SLIT2: variants seen among roughly 807,000 people sequenced by gnomAD.
The protein encoded by SLIT2 is slit guidance ligand 2.
In SLIT2, 41 loss-of-function variants were observed where a neutral mutation model predicts 185.7. That is an observed-to-expected ratio of 0.22 (90% CI 0.17 to 0.29). SLIT2 has a LOEUF of 0.29. Among genes scored for constraint, SLIT2 ranks in the 10% least tolerant of loss-of-function variants. The probability of loss-of-function intolerance (pLI) is 1.00; values close to 1 mark genes in which losing one functional copy is unlikely to be tolerated. For synonymous variants in SLIT2, 693 were observed against 680.2 expected (o/e 1.02, Z -0.29); for missense variants, 1,571 against 1,909.0 (o/e 0.82, Z 3.30).
Position 20,596,389 on chromosome 4 carries a change from A to G in SLIT2, c.3321-26A>G, listed in dbSNP as rs558332326. 311 of 1,606,514 alleles carry G rather than the reference A, an allele frequency of 1.9e-4. 1 individual carries two copies. In the South Asian group the frequency reaches 3.3e-3, roughly 17 times the overall value. On this transcript the variant is annotated intron_variant, in intron 31 of 36. Coordinates refer to ENST00000504154, the MANE Select transcript of SLIT2 (RefSeq NM_004787.4). ...GCAATTAAGTAAAATCGTATTAACTAATTTTTTTTTCTCCTTATTCTTCAG... is the reference window on the plus strand; with the variant it reads ...GCAATTAAGTAAAATCGTATTAACTGATTTTTTTTTCTCCTTATTCTTCAG...
Position 20,528,007 on chromosome 4 carries a change from AC to A in SLIT2, c.1463-940del, listed in dbSNP as rs775781336. Among the ~76,000 whole-genome samples, 11 of 151,980 alleles carry A rather than the reference AC, an allele frequency of 7.2e-5. No homozygotes were observed. Among genetic ancestry groups the A allele is most frequent in the African/African-American group, 9.7e-5 (4 of 41,362 alleles). ...AGCTTCTCTGTTGTCCTTGTAGCTC[AC>A]CTTCAACTTCTTCCTGGATGTTGTT... On this transcript the variant is annotated intron_variant, in intron 15 of 36. Transcript: ENST00000504154. This position sits in a 1 kb window ranked among gnomAD's most constrained non-coding sequence, Gnocchi z 4.2.
At chr4:20,578,110 T>C (rs180978108) in intron 29 of SLIT2, among the ~76,000 whole-genome samples, 1 of 152,324 alleles carries the variant, frequency 6.6e-6, no homozygotes, top group East Asian at 1.9e-4. Context: ...CATTGTTCTT[T>C]ATGTGATCTG....
intron 4 of SLIT2, among the ~76,000 whole-genome samples, chr4:20,421,575 T>A (rs1728177483): frequency 6.6e-6 from 1 of 152,212 alleles, no homozygotes; most frequent in African/African-American, 2.4e-5. Context: ...TAAAATGCAT[T>A]GTAAATCATT....
At chr4:20,324,760 C>A (rs145414956) in intron 4 of SLIT2, among the ~76,000 whole-genome samples, 205 of 152,176 alleles carry the variant, frequency 1.3e-3, no homozygotes, top group African/African-American at 4.7e-3. Context: ...CAGTCTTATA[C>A]AAAGGACACA....
intron 4 of SLIT2, among the ~76,000 whole-genome samples, chr4:20,342,575 CTAAT>C (rs748262375): frequency 3.3e-5 from 5 of 151,820 alleles, no homozygotes; most frequent in East Asian, 3.9e-4. Context: ...TAGCATAAAT[CTAAT>C]TAATCTATGA....
chr4:20,365,426 G>C (rs114296071), intron 4 of SLIT2, among the ~76,000 whole-genome samples: 2,669 of 152,200 alleles, frequency 0.018, 50 homozygotes, highest in East Asian at 0.08. Context: ...TGAAGCCTCA[G>C]TTGAAGGCTG....
At chr4:20,423,101 T>C (rs368907872) in intron 4 of SLIT2, among the ~76,000 whole-genome samples, 54 of 152,226 alleles carry the variant, frequency 3.5e-4, no homozygotes, top group African/African-American at 1.2e-3. Flanking sequence ...TCATGCCTTC[T>C]CCCAGAGGAG....
In SLIT2 at chr4:20,442,546, G is replaced by A. The variant is rs867606630; in HGVS notation, c.396-25206G>A. On this transcript the variant is annotated intron_variant, in intron 4 of 36. Coordinates refer to ENST00000504154, the MANE Select transcript of SLIT2 (RefSeq NM_004787.4). ...CTCAAAAAAAAAAAAAAAAAAAAGGGGGGGGAGGGACCGATTTTATGAAGG... is the reference window on the plus strand; with the variant it reads ...CTCAAAAAAAAAAAAAAAAAAAAGGAGGGGGAGGGACCGATTTTATGAAGG... Among the ~76,000 whole-genome samples, 526 of 148,148 alleles carry A rather than the reference G, an allele frequency of 3.6e-3. 3 individuals carry two copies. Among genetic ancestry groups the A allele is most frequent in the Non-Finnish European group, 4.5e-3 (305 of 67,768 alleles).
chr4:20,495,725 T>G (rs1324083318), intron 9 of SLIT2, among the ~76,000 whole-genome samples: 2 of 152,296 alleles, frequency 1.3e-5, no homozygotes, highest in East Asian at 3.9e-4. Flanking sequence ...TTGTGAATTT[T>G]ACTTCCCTGA....
At chr4:20,364,908 A>G (rs1035552823) in intron 4 of SLIT2, among the ~76,000 whole-genome samples, 1 of 152,112 alleles carries the variant, frequency 6.6e-6, no homozygotes, top group East Asian at 1.9e-4. Flanking sequence ...AATTGACTCA[A>G]TGGACTCATG....
intron 4 of SLIT2, among the ~76,000 whole-genome samples, chr4:20,309,545 AAAG>A (rs1305167399): frequency 2.0e-5 from 3 of 152,064 alleles, no homozygotes; most frequent in Admixed American, 2.0e-4. Context: ...TAAAAATAAA[AAAG>A]AAGCAACAAA....
chr4:20,489,626 A>C (rs574890428), intron 8 of SLIT2, among the ~76,000 whole-genome samples: 114 of 152,234 alleles, frequency 7.5e-4, no homozygotes, highest in Non-Finnish European at 2.4e-4. Context: ...CTTTCTAAAA[A>C]TACAAAAACT....
intron 4 of SLIT2, among the ~76,000 whole-genome samples, chr4:20,463,399 C>A (rs1398649457): frequency 7.0e-6 from 1 of 142,098 alleles, no homozygotes; most frequent in African/African-American, 2.6e-5. Flanking sequence ...TTCTCAGATA[C>A]CACTCATAAT....
chr4:20,413,599 T>G (rs1727421056), intron 4 of SLIT2, among the ~76,000 whole-genome samples: 1 of 152,052 alleles, frequency 6.6e-6, no homozygotes, highest in Non-Finnish European at 1.5e-5. Flanking sequence ...GTGGCCACTC[T>G]TGCTTTTTAT....
At chr4:20,262,812 C>T (rs775363686) in intron 3 of SLIT2, among the ~76,000 whole-genome samples, 83 of 151,932 alleles carry the variant, frequency 5.5e-4, no homozygotes, top group Non-Finnish European at 8.1e-4. Context: ...AATCCCTGTG[C>T]GCTGTTACAA....
intron 4 of SLIT2, among the ~76,000 whole-genome samples, chr4:20,458,305 T>C (rs541603516): frequency 1.3e-5 from 2 of 152,142 alleles, no homozygotes; most frequent in African/African-American, 4.8e-5. Flanking sequence ...TGGGGCTTCC[T>C]AGTTTTTATT....
chr4:20,285,474 C>G (rs1389183365), intron 4 of SLIT2, among the ~76,000 whole-genome samples: 17 of 152,328 alleles, frequency 1.1e-4, no homozygotes, highest in Non-Finnish European at 2.2e-4. Flanking sequence ...GAGATAAGCA[C>G]ACTGACACTG....
At chr4:20,380,290 T>G (rs906510788) in intron 4 of SLIT2, among the ~76,000 whole-genome samples, 1 of 152,112 alleles carries the variant, frequency 6.6e-6, no homozygotes, top group Non-Finnish European at 1.5e-5. Flanking sequence ...AAATCCAAAT[T>G]GCTTAGCTAT....
chr4:20,346,598 C>T (rs1028986648), intron 4 of SLIT2, among the ~76,000 whole-genome samples: 1 of 152,144 alleles, frequency 6.6e-6, no homozygotes, highest in African/African-American at 2.4e-5. Flanking sequence ...GGAGAAGTGA[C>T]TCACACAGTC....
Sources: gnomAD v4.1 joint callset for allele counts (sites outside exome capture counted in the v4.1 genomes callset) on GRCh38, gnomAD v4.1.1 for gene constraint, Gnocchi (gnomAD v3.1) non-coding constraint, MANE v1.5 for transcripts, NCBI Gene and HGNC (gene_info 2026-07-23, HGNC 2026-07-21) for gene names.